The following NDRG2 variants were observed in gnomAD, a reference collection of about 807,000 sequenced individuals.
The protein encoded by NDRG2 is NDRG family member 2.
NDRG2 carries 34 observed loss-of-function variants against 58.2 expected under a neutral mutation model. The ratio of observed to expected loss-of-function variants is 0.58; its 90% CI spans 0.44 to 0.78. NDRG2 has a LOEUF of 0.78. NDRG2 is among the 30% of genes least tolerant of loss of function. The probability of loss-of-function intolerance (pLI) is 0.00; values close to 1 mark genes in which losing one functional copy is unlikely to be tolerated. For missense variants in NDRG2, 434 were observed against 471.2 expected (o/e 0.92, Z 0.73); for synonymous variants, 187 against 175.9 (o/e 1.06, Z -0.50).
chr14:21,063,982 C>T (rs1274458717), intron 1 of NDRG2, among the ~76,000 whole-genome samples: 2 of 152,184 alleles, frequency 1.3e-5, no homozygotes, highest in Non-Finnish European at 2.9e-5. Context: ...TGATGCCCTA[C>T]CGCTTTGAGC....
chr14:21,027,890 A>G (rs1371824963), upstream of NDRG2, among the ~76,000 whole-genome samples: 1 of 152,200 alleles, frequency 6.6e-6, no homozygotes, highest in Non-Finnish European at 1.5e-5. Flanking sequence ...GGGGCATTCT[A>G]TCCAGGCACA....
chr14:21,022,526 G>C (rs1164750551), intron 3 of NDRG2, 29 bp from the exon 4 acceptor site: 2 of 1,552,630 alleles, frequency 1.3e-6, no homozygotes, highest in Non-Finnish European at 1.8e-6. Flanking sequence ...CCAAGAGCTA[G>C]GCTCAGAGGA....
rs201237595 is a variant in NDRG2 at position 21,058,287 on chromosome 14, C to T, written c.24+12541G>A. On this transcript the variant is annotated intron_variant, in intron 1 of 14. Coordinates refer to the NDRG2 transcript ENST00000403829. ...CACCTGAACACACCTTACATAGTGG[C>T]CTGTGACCCTCCACAACAGGGTGAC... 1.9e-6 allele frequency: 3 copies of T among 1,614,144 alleles called. No homozygotes were observed. The highest frequency in any genetic ancestry group is 1.1e-5 in the South Asian group (1 of 91,082).
chr14:21,029,795 A>G (rs547061537), upstream of NDRG2, among the ~76,000 whole-genome samples: 6 of 152,152 alleles, frequency 3.9e-5, no homozygotes, highest in African/African-American at 1.4e-4. Context: ...GGTGCCATCT[A>G]TGGACCGGAA....
chr14:21,045,334 G>A (rs896468532), intron 1 of NDRG2, among the ~76,000 whole-genome samples: 5 of 152,146 alleles, frequency 3.3e-5, no homozygotes, highest in African/African-American at 1.2e-4. Flanking sequence ...CCAATAAGTG[G>A]ATGAGTTGGT....
chr14:21,036,449 A>G (rs1284091016), intron 1 of NDRG2, among the ~76,000 whole-genome samples: 1 of 152,184 alleles, frequency 6.6e-6, no homozygotes, highest in East Asian at 1.9e-4. Context: ...ACATGCAAAA[A>G]AATTCATAAT....
intron 1 of NDRG2, among the ~76,000 whole-genome samples, chr14:21,060,583 C>T (rs1885906045): frequency 6.6e-6 from 1 of 152,214 alleles, no homozygotes; most frequent in African/African-American, 2.4e-5. Flanking sequence ...CATTAACCTA[C>T]TCCCAAAGAC....
intron 1 of NDRG2, among the ~76,000 whole-genome samples, chr14:21,067,607 T>C (rs939122674): frequency 1.3e-5 from 2 of 152,202 alleles, no homozygotes; most frequent in Non-Finnish European, 2.9e-5. Context: ...CAAAGAGTCT[T>C]AAATGGGTGA....
intron 1 of NDRG2, among the ~76,000 whole-genome samples, chr14:21,056,319 T>A (rs1885672611): frequency 6.6e-6 from 1 of 152,230 alleles, no homozygotes; most frequent in African/African-American, 2.4e-5. Flanking sequence ...AATAATACGC[T>A]AAATATATAT....
At position 21,020,783 on chromosome 14, in the gene NDRG2, C is replaced by T. The variant is rs113725106; in HGVS notation, c.468+1G>A. 2 of 1,614,102 alleles carry T rather than the reference C, an allele frequency of 1.2e-6. No individual in the cohort carries two copies. The highest frequency in any genetic ancestry group is 1.7e-6 in the Non-Finnish European group (2 of 1,179,994). ...CCTCCTCTGGGCTTTTTATTTCTTA[C>T]AGCATATCTCGCCAGGATGTAGGCT... is the stretch of plus-strand genomic sequence containing the variant. On this transcript the variant is annotated splice_donor_variant, in intron 7 of 15. Coordinates refer to ENST00000556147, the MANE Select transcript of NDRG2 (RefSeq NM_001320329.2). LOFTEE classifies it high-confidence loss of function.
At chr14:21,021,517 T>G in intron 6 of NDRG2, 1 of 414,970 alleles carries the variant, frequency 2.4e-6, no homozygotes, top group African/African-American at 2.0e-5. Flanking sequence ...TCAGGGATTA[T>G]GTCACCCCCT....
intron 15 of NDRG2, 98 bp downstream of exon 15, chr14:21,017,889 G>A (rs750689405): frequency 6.2e-6 from 10 of 1,605,164 alleles, no homozygotes; most frequent in Non-Finnish European, 8.5e-6. Flanking sequence ...AGCTCGATTG[G>A]GCAGATAGCG....
intron 1 of NDRG2, among the ~76,000 whole-genome samples, chr14:21,062,482 T>C (rs888933971): frequency 2.0e-5 from 3 of 152,092 alleles, no homozygotes; most frequent in Non-Finnish European, 4.4e-5. Flanking sequence ...AATGGGAGTA[T>C]TATATCCTAG....
chr14:21,070,776 G>T lies in NDRG2; in HGVS notation c.24+52C>A. On this transcript the variant is annotated intron_variant, in intron 1 of 14. Transcript: ENST00000403829. The surrounding 1 kb of genome is among the most constrained non-coding windows in gnomAD (Gnocchi z 4.7). ...ACCCGCGGGAGACCCCTGCGGGTTGGTCCTGCAGCGACCCTGGAAGAGGCC... is the reference window on the plus strand; with the variant it reads ...ACCCGCGGGAGACCCCTGCGGGTTGTTCCTGCAGCGACCCTGGAAGAGGCC... 6.5e-7 allele frequency: 1 copy of T among 1,532,104 alleles called. No homozygotes were observed. The highest frequency in any genetic ancestry group is 8.7e-7 in the Non-Finnish European group (1 of 1,143,844). The allele number at this position is 1,532,104 out of a possible 1,614,324, so 94.9% of individuals were successfully genotyped here. A position where few individuals can be genotyped will look rare whatever the true frequency, so the allele number is the denominator to read the frequency against.
intron 1 of NDRG2, chr14:21,023,570 A>C: frequency 2.1e-6 from 1 of 469,642 alleles, no homozygotes; most frequent in Non-Finnish European, 3.8e-6. Context: ...GCCACCCTCA[A>C]CACCACACCT....
intron 1 of NDRG2, among the ~76,000 whole-genome samples, chr14:21,052,865 C>T (rs1277273884): frequency 6.6e-6 from 1 of 152,182 alleles, no homozygotes; most frequent in Admixed American, 6.5e-5. Context: ...TGAGAGTCAT[C>T]CAGACAGGCA....
At chr14:21,031,610 C>CA (rs201639170) in intron 1 of NDRG2, among the ~76,000 whole-genome samples, 2,633 of 152,254 alleles carry the variant, frequency 0.017, 27 homozygotes, top group Middle Eastern at 0.027. Flanking sequence ...AGTCCTCAGG[C>CA]AGCAGCCTAG....
chr14:21,054,148 A>AT (rs1484489679), intron 1 of NDRG2, among the ~76,000 whole-genome samples: 3 of 152,232 alleles, frequency 2.0e-5, no homozygotes, highest in African/African-American at 4.8e-5. Context: ...CAGAGTGTAA[A>AT]TTTGAGGATC....
chr14:21,040,502 G>A (rs193085336), intron 1 of NDRG2, among the ~76,000 whole-genome samples: 84 of 152,322 alleles, frequency 5.5e-4, no homozygotes, highest in African/African-American at 1.9e-3. Flanking sequence ...ACAACAGCCA[G>A]GTAATCCTTT....
Sources: gnomAD v4.1 joint callset for allele counts (sites outside exome capture counted in the v4.1 genomes callset) on GRCh38, gnomAD v4.1.1 for gene constraint, Gnocchi (gnomAD v3.1) non-coding constraint, MANE v1.5 for transcripts, NCBI Gene and HGNC (gene_info 2026-07-23, HGNC 2026-07-21) for gene names.